The following KDM1A variants were observed in gnomAD, a reference collection of about 807,000 sequenced individuals.
KDM1A encodes lysine demethylase 1A.
In KDM1A, 49 loss-of-function variants were observed where a neutral mutation model predicts 109.4. The observed-to-expected ratio is 0.45, with a 90% CI of 0.36 to 0.57. KDM1A has a LOEUF of 0.57. KDM1A is among the 20% of genes least tolerant of loss of function. KDM1A has a pLI of 0.00. For synonymous variants in KDM1A, 380 were observed against 415.4 expected (o/e 0.91, Z 1.04); for missense variants, 668 against 1,116.6 (o/e 0.60, Z 5.73).
intron 2 of KDM1A, among the ~76,000 whole-genome samples, chr1:23,041,473 T>G (rs1642332051): frequency 7.2e-6 from 1 of 139,462 alleles, no homozygotes; most frequent in Non-Finnish European, 1.5e-5. Flanking sequence ...GACCGAGTCT[T>G]GCTGTGTTGC....
At chr1:23,074,163 T>C (rs767990856) in intron 15 of KDM1A, among the ~76,000 whole-genome samples, 8 of 152,196 alleles carry the variant, frequency 5.3e-5, no homozygotes, top group Non-Finnish European at 1.2e-4. Flanking sequence ...CTAATAGGTA[T>C]AGTAGTATTT....
At chr1:23,055,907 CT>C (rs142119400) in intron 6 of KDM1A, 24 bp from the exon 7 acceptor site, 15 of 1,512,116 alleles carry the variant, frequency 9.9e-6, no homozygotes, top group South Asian at 2.4e-5. Context: ...AAAACAAAAT[CT>C]TTTTTTTCAT....
At chr1:23,042,440 A>ATTATTATT (rs1553127465) in intron 2 of KDM1A, among the ~76,000 whole-genome samples, 856 of 21,794 alleles carry the variant, frequency 0.039, 78 homozygotes, top group Non-Finnish European at 0.059. Context: ...GAAATATATT[A>ATTATTATT]TTTTTTTTTT....
intron 11 of KDM1A, 148 bp from the exon 12 acceptor site, chr1:23,068,913 A>AG (rs1643228371): frequency 1.6e-6 from 1 of 628,642 alleles, no homozygotes; most frequent in Admixed American, 3.5e-5. Flanking sequence ...AACATAGCCT[A>AG]GGAAATAATT....
intron 1 of KDM1A, among the ~76,000 whole-genome samples, chr1:23,026,671 C>T (rs985026480): frequency 2.6e-5 from 4 of 152,202 alleles, no homozygotes; most frequent in Non-Finnish European, 4.4e-5. Context: ...TGTGAGCCAC[C>T]ATGCCCCGCC....
intron 12 of KDM1A, 78 bp downstream of exon 12, chr1:23,069,229 C>T (rs1643237433): frequency 1.0e-5 from 9 of 886,400 alleles, no homozygotes; most frequent in African/African-American, 3.4e-5. Flanking sequence ...AAAGCATTTC[C>T]GAGATTTTTT....
intron 2 of KDM1A, among the ~76,000 whole-genome samples, chr1:23,035,694 AT>A (rs1642122981): frequency 6.6e-6 from 1 of 152,200 alleles, no homozygotes; most frequent in African/African-American, 2.4e-5. Flanking sequence ...AAAATACACA[AT>A]GTATGAGTAG....
intron 15 of KDM1A, among the ~76,000 whole-genome samples, chr1:23,075,527 C>T (rs1039722661): frequency 1.8e-4 from 27 of 148,996 alleles, no homozygotes; most frequent in East Asian, 5.9e-4. Flanking sequence ...GCGGAGATCG[C>T]GCCATTGCAC....
chr1:23,050,810 C>T (rs1490498145), intron 4 of KDM1A, among the ~76,000 whole-genome samples: 2 of 152,126 alleles, frequency 1.3e-5, no homozygotes, highest in Non-Finnish European at 2.9e-5. Flanking sequence ...TTAGGCTGGG[C>T]GTGGTGGCTC....
intron 2 of KDM1A, among the ~76,000 whole-genome samples, chr1:23,042,577 G>A (rs1299941287): frequency 1.5e-5 from 2 of 136,350 alleles, no homozygotes; most frequent in South Asian, 2.5e-4. Flanking sequence ...CTCAGCCTCC[G>A]AAGTAGCTGG....
intron 2 of KDM1A, among the ~76,000 whole-genome samples, chr1:23,030,864 C>G (rs1278182459): frequency 6.6e-6 from 1 of 151,898 alleles, no homozygotes; most frequent in Non-Finnish European, 1.5e-5. Flanking sequence ...TTTTGTGTGT[C>G]TGTACATATA....
chr1:23,047,137 A>G (rs1447787026), intron 3 of KDM1A, among the ~76,000 whole-genome samples: 1 of 152,208 alleles, frequency 6.6e-6, no homozygotes, highest in African/African-American at 2.4e-5. Context: ...TTTTGGTACT[A>G]TCCTATAAGA....
intron 7 of KDM1A, among the ~76,000 whole-genome samples, chr1:23,056,314 C>G (rs1383495943): frequency 2.0e-5 from 3 of 151,640 alleles, no homozygotes; most frequent in Admixed American, 1.3e-4. Context: ...AAATTTGGGG[C>G]CTTCATGGAC....
At chr1:23,022,272 C>T (rs1204177288) in intron 1 of KDM1A, among the ~76,000 whole-genome samples, 4 of 151,672 alleles carry the variant, frequency 2.6e-5, no homozygotes, top group African/African-American at 9.7e-5. Context: ...CACCATTTTA[C>T]ATTCCCATTA....
At chr1:23,078,907 C>A (rs143158658) in intron 16 of KDM1A, 83 bp from the exon 17 acceptor site, 13,058 of 1,136,432 alleles carry the variant, frequency 0.011, 77 homozygotes, top group Non-Finnish European at 0.014. Context: ...AAATGGATGT[C>A]CATCTGTTGT....
intron 2 of KDM1A, among the ~76,000 whole-genome samples, chr1:23,033,388 G>A (rs1642048747): frequency 6.6e-6 from 1 of 151,968 alleles, no homozygotes; most frequent in Non-Finnish European, 1.5e-5. Flanking sequence ...CAGGTGTAGT[G>A]GCACGTGCCT....
chr1:23,078,961 A>G lies in KDM1A; in HGVS notation c.1868-29A>G, dbSNP rs374198047. The G allele has an allele frequency of 3.8e-6, 6 of 1,597,584 alleles. No homozygotes were observed. The South Asian group carries it at 6.7e-5, about 18-fold the overall frequency. Reference sequence around the variant, plus strand: ...CCTTATCAGTGCCATATTCATCACCACTAGTCTTTTCCCACCCAACCTCTG... The same window carrying G: ...CCTTATCAGTGCCATATTCATCACCGCTAGTCTTTTCCCACCCAACCTCTG... On this transcript the variant is annotated intron_variant, in intron 16 of 20. Coordinates refer to ENST00000400181, the MANE Select transcript of KDM1A (RefSeq NM_001009999.3).
chr1:23,041,100 T>G (rs1454820501), intron 2 of KDM1A, among the ~76,000 whole-genome samples: 1 of 152,140 alleles, frequency 6.6e-6, no homozygotes, highest in African/African-American at 2.4e-5. Flanking sequence ...ACTACTTGGA[T>G]GAAAAGTTAG....
intron 1 of KDM1A, among the ~76,000 whole-genome samples, chr1:23,029,637 ATTTTT>A (rs1244252671): frequency 1.3e-5 from 2 of 151,608 alleles, no homozygotes; most frequent in African/African-American, 4.9e-5. Flanking sequence ...AATTTATCTT[ATTTTT>A]ATTTTTATTT....
Sources: allele counts gnomAD v4.1 joint callset (sites outside exome capture counted in the v4.1 genomes callset), GRCh38; gene constraint gnomAD v4.1.1; transcripts MANE v1.5; gene names NCBI Gene and HGNC (gene_info 2026-07-23, HGNC 2026-07-21).